HSD17B13: variants seen among roughly 807,000 people sequenced by gnomAD.
HSD17B13 encodes 17-beta-hydroxysteroid dehydrogenase 13.
Under a neutral mutation model 31.1 loss-of-function variants are expected in HSD17B13, and 26 were observed. That is an observed-to-expected ratio of 0.84 (90% CI 0.61 to 1.16). The LOEUF (loss-of-function observed/expected upper bound fraction) is 1.16. Ranked by LOEUF, HSD17B13 falls within the 50% of genes most tolerant of loss-of-function variation. The probability of loss-of-function intolerance (pLI) is 0.00; values close to 1 mark genes in which losing one functional copy is unlikely to be tolerated. For synonymous variants in HSD17B13, 141 were observed against 133.7 expected (o/e 1.05, Z -0.38); for missense variants, 374 against 366.5 (o/e 1.02, Z -0.17).
chr4:87,308,680 C>CA (rs1734451123), intron 6 of HSD17B13, among the ~76,000 whole-genome samples: 1 of 148,352 alleles, frequency 6.7e-6, no homozygotes, highest in Non-Finnish European at 1.5e-5. Flanking sequence ...GACTCTGTCT[C>CA]AAAAAAATAT....
chr4:87,313,340 A>G (rs1734577030), intron 5 of HSD17B13, among the ~76,000 whole-genome samples: 1 of 152,242 alleles, frequency 6.6e-6, no homozygotes, highest in South Asian at 2.1e-4. Context: ...AGCAGAATAT[A>G]TACTAGGATT....
chr4:87,310,186 G>GAAAAAAAAAAAGA, intron 6 of HSD17B13, 57 bp downstream of exon 6: 1 of 1,347,572 alleles, frequency 7.4e-7, no homozygotes. Flanking sequence ...AAAAAAAAAA[G>GAAAAAAAAAAAGA]CAAAAAAAAA....
intron 6 of HSD17B13, among the ~76,000 whole-genome samples, chr4:87,306,395 A>G (rs1164399282): frequency 6.6e-6 from 1 of 152,218 alleles, no homozygotes; most frequent in Non-Finnish European, 1.5e-5. Context: ...GCACTCTATA[A>G]TAAGGTAAAC....
At chr4:87,308,932 C>CAAAAAAAAA (rs57491954) in intron 6 of HSD17B13, among the ~76,000 whole-genome samples, 2 of 127,036 alleles carry the variant, frequency 1.6e-5, no homozygotes, top group African/African-American at 5.9e-5. Context: ...AGGAATCTAC[C>CAAAAAAAAA]AAAAAAAAAA....
At chr4:87,321,568 T>C (rs1240923118) in intron 1 of HSD17B13, among the ~76,000 whole-genome samples, 5 of 152,174 alleles carry the variant, frequency 3.3e-5, no homozygotes, top group South Asian at 2.1e-4. Context: ...TCTTGCTATC[T>C]TCCAGAAAGT....
chr4:87,305,733 T>A (rs1015728773), intron 6 of HSD17B13, among the ~76,000 whole-genome samples: 1 of 128,256 alleles, frequency 7.8e-6, no homozygotes. Flanking sequence ...ATAAATAAAT[T>A]ATTGCCTAAA....
intron 1 of HSD17B13, among the ~76,000 whole-genome samples, chr4:87,320,870 G>A (rs182764354): frequency 2.0e-5 from 3 of 152,138 alleles, no homozygotes; most frequent in African/African-American, 7.2e-5. Context: ...GGCAAAAGGA[G>A]CCAGTTATGA....
intron 6 of HSD17B13, 77 bp from the exon 7 acceptor site, chr4:87,305,385 T>A: frequency 1.2e-6 from 1 of 846,320 alleles, no homozygotes. Context: ...TTTGGTCATT[T>A]AGAATACGCT....
chr4:87,315,533 C>T lies in HSD17B13; in HGVS notation c.517G>A (p.Val173Met). 3.7e-6 allele frequency: 6 copies of T among 1,611,976 alleles called. No homozygotes were observed. Among genetic ancestry groups the T allele is most frequent in the Non-Finnish European group, 5.1e-6 (6 of 1,178,322 alleles). The change falls in exon 4 of 7, where the codon GTG (valine) becomes ATG (methionine). Residue 173 changes from valine to methionine, a missense_variant. Val to Met is a conservative substitution (Grantham distance 21, BLOSUM62 1). Coordinates refer to ENST00000328546, the MANE Select transcript of HSD17B13 (RefSeq NM_178135.5). ...NHGHIVTVASVCGHEGIPYLI... is the reference protein window; with the variant it reads ...NHGHIVTVASMCGHEGIPYLI... Reference sequence around the variant, plus strand: ...TAAGGAATCCCTTCGTGGCCGCACACTGAAGCCACTGTGACGATGTGGCCA... The same window carrying T: ...TAAGGAATCCCTTCGTGGCCGCACATTGAAGCCACTGTGACGATGTGGCCA...
In HSD17B13 at chr4:87,305,314, C is replaced by CA. The variant is rs1734365919; in HGVS notation, c.813-7dup. ...AGGCGCGTTCAGGAAGAAACCTGTACAAAAAAGAAAAAAAAATTGAAAAAT... is the reference window on the plus strand; with the variant it reads ...AGGCGCGTTCAGGAAGAAACCTGTACAAAAAAAGAAAAAAAAATTGAAAAAT... On this transcript the variant is annotated splice_region_variant and splice_polypyrimidine_tract_variant and intron_variant, in intron 6 of 6. Coordinates refer to ENST00000328546, the MANE Select transcript of HSD17B13 (RefSeq NM_178135.5). The CA allele has an allele frequency of 1.9e-6, 3 of 1,561,662 alleles. No homozygotes were observed. The highest frequency in any genetic ancestry group is 1.7e-6 in the Non-Finnish European group (2 of 1,160,108).
intron 6 of HSD17B13, among the ~76,000 whole-genome samples, chr4:87,307,231 G>T (rs1370508276): frequency 1.3e-5 from 2 of 152,126 alleles, no homozygotes; most frequent in Non-Finnish European, 2.9e-5. Flanking sequence ...ATGCAAAGAA[G>T]ATTAACAATA....
Position 87,305,234 on chromosome 4 carries a change from T to G in HSD17B13, c.887A>C (p.Lys296Thr). 6.2e-7 allele frequency: 1 copy of G among 1,606,178 alleles called. No homozygotes were observed. The highest frequency in any genetic ancestry group is 8.5e-7 in the Non-Finnish European group (1 of 1,176,024). Residue 296 changes from lysine to threonine, a missense_variant, in exon 7 of 7, where the codon AAA becomes ACA. By Grantham distance (78) the Lys-to-Thr change is moderately conservative. Transcript: ENST00000328546. ...CTTATTTATTCATTTCATTTTGATT[T>G]TGTGGCCAACCACTGCTTCAAATTG... ...NIQFEAVVGHKIKMK is the reference protein window; with the variant it reads ...NIQFEAVVGHTIKMK
At chr4:87,305,393 G>T (rs1192163653) in intron 6 of HSD17B13, 85 bp from the exon 7 acceptor site, 1 of 765,752 alleles carries the variant, frequency 1.3e-6, no homozygotes, top group Non-Finnish European at 2.0e-6. Context: ...TTTAGAATAC[G>T]CTGAGAGTTA....
intron 3 of HSD17B13, 65 bp from the exon 4 acceptor site, chr4:87,315,664 T>C (rs1160486540): frequency 9.9e-7 from 1 of 1,006,510 alleles, no homozygotes; most frequent in Non-Finnish European, 1.5e-6. Context: ...AATCAGGTAG[T>C]TTTATTTTTG....
intron 6 of HSD17B13, among the ~76,000 whole-genome samples, chr4:87,306,380 A>G (rs1393309731): frequency 6.6e-6 from 1 of 152,200 alleles, no homozygotes; most frequent in African/African-American, 2.4e-5. Context: ...CTGAATATCT[A>G]TTATGCACTC....
At chr4:87,316,909 A>G (rs148231707) in intron 3 of HSD17B13, among the ~76,000 whole-genome samples, 183 bp downstream of exon 3, 3 of 152,304 alleles carry the variant, frequency 2.0e-5, no homozygotes, top group African/African-American at 7.2e-5. Flanking sequence ...TGTTGTGTCC[A>G]CTTGAATTCT....
chr4:87,317,300 TGAGA>T, intron 2 of HSD17B13, 77 bp from the exon 3 acceptor site: 3 of 1,395,756 alleles, frequency 2.1e-6, no homozygotes, highest in Non-Finnish European at 3.0e-6. Flanking sequence ...AATCCAAAGA[TGAGA>T]GTCTTTCTTC....
chr4:87,310,352 G>A lies in HSD17B13; in HGVS notation c.703C>T (p.Pro235Ser). The A allele has an allele frequency of 6.8e-7, 1 of 1,463,284 alleles. No individual in the cohort carries two copies. The highest frequency in any genetic ancestry group is 9.0e-7 in the Non-Finnish European group (1 of 1,109,748). The allele number at this position is 1,463,284 out of a possible 1,614,324, so 90.6% of individuals were successfully genotyped here. A position where few individuals can be genotyped will look rare whatever the true frequency, so the allele number is the denominator to read the frequency against. ...ACGACTTCATCTGTCTCCAATACAG[G>A]CCATAATCTGTGATTAAAAAGAGGA... ...FTKNPSTRLW[P>S]VLETDEVVRS... Residue 235 changes from proline (P) to serine (S), a missense_variant, in exon 6 of 7, where the codon CCT (proline) becomes TCT (serine). Pro to Ser is a moderately conservative substitution (Grantham distance 74, BLOSUM62 -1). Transcript: ENST00000328546.
At chr4:87,314,116 A>T (rs780200132) in intron 4 of HSD17B13, among the ~76,000 whole-genome samples, 156 bp from the exon 5 acceptor site, 24 of 151,610 alleles carry the variant, frequency 1.6e-4, no homozygotes, top group Non-Finnish European at 2.9e-4. Context: ...ATTCATTTTC[A>T]TTTTCTTACA....
Sources: allele counts gnomAD v4.1 joint callset (sites outside exome capture counted in the v4.1 genomes callset), GRCh38; gene constraint gnomAD v4.1.1; transcripts MANE v1.5; gene names NCBI Gene and HGNC (gene_info 2026-07-23, HGNC 2026-07-21).